The following SSBP3 variants were observed in gnomAD, a reference collection of about 807,000 sequenced individuals.
The protein encoded by SSBP3 is single-stranded DNA-binding protein 3.
A neutral mutation model predicts 69.6 loss-of-function variants in SSBP3; 5 were observed. The ratio of observed to expected loss-of-function variants is 0.07; its 90% CI spans 0.04 to 0.15. The LOEUF is 0.15. SSBP3 is among the 10% of genes least tolerant of loss of function. The pLI, the probability that SSBP3 is intolerant of heterozygous loss-of-function variation, is 1.00. For synonymous variants in SSBP3, 196 were observed against 193.4 expected (o/e 1.01, Z -0.11); for missense variants, 312 against 534.0 (o/e 0.58, Z 4.10).
At chr1:54,404,210 GGTATCCC>G (rs1487129778) in intron 3 of SSBP3, among the ~76,000 whole-genome samples, 32 of 152,066 alleles carry the variant, frequency 2.1e-4, no homozygotes, top group African/African-American at 7.5e-4. Flanking sequence ...AAACAGACCT[GGTATCCC>G]CTCCACGCCG....
At chr1:54,263,663 C>T (rs1356708244) in intron 5 of SSBP3, among the ~76,000 whole-genome samples, 1 of 152,232 alleles carries the variant, frequency 6.6e-6, no homozygotes, top group African/African-American at 2.4e-5. Context: ...CTGCTCCAGC[C>T]CTTCAAGTGC....
At chr1:54,358,042 T>TA (rs1244588349) in intron 4 of SSBP3, among the ~76,000 whole-genome samples, 11 of 152,312 alleles carry the variant, frequency 7.2e-5, no homozygotes, top group Middle Eastern at 3.4e-3. Flanking sequence ...AGCACCTCAA[T>TA]AGCCCTCTGC....
chr1:54,360,343 T>G (rs1646930971), intron 4 of SSBP3, among the ~76,000 whole-genome samples: 1 of 152,216 alleles, frequency 6.6e-6, no homozygotes, highest in Non-Finnish European at 1.5e-5. Context: ...GTTCATTGCT[T>G]TATCATGTGT....
At chr1:54,227,258 A>T in intron 17 of SSBP3, 98 bp from the exon 18 acceptor site, 1 of 762,252 alleles carries the variant, frequency 1.3e-6, no homozygotes, top group Non-Finnish European at 2.4e-6. Flanking sequence ...CACAGAACTG[A>T]GCAGGGCTCA....
At chr1:54,383,621 G>T (rs923505534) in intron 4 of SSBP3, among the ~76,000 whole-genome samples, 1 of 152,064 alleles carries the variant, frequency 6.6e-6, no homozygotes, top group Non-Finnish European at 1.5e-5. Flanking sequence ...TGATAAAATC[G>T]CCACCAACCC....
Position 54,251,696 on chromosome 1 carries a change from CG to C in SSBP3, c.575-5del, listed in dbSNP as rs1379486231. The C allele has an allele frequency of 3.2e-6, 5 of 1,561,730 alleles. No individual in the cohort carries two copies. The highest frequency in any genetic ancestry group is 3.4e-4 in the Middle Eastern group (2 of 5,814). On this transcript the variant is annotated splice_polypyrimidine_tract_variant and splice_region_variant and intron_variant, in intron 8 of 17. Transcript: ENST00000610401. ...GATCCTCCCATGTTGGGGTGGCCTG[CG>C]TGAGAGAGGAGGCGCGTCATGGGAT...
At chr1:54,377,609 G>C (rs1647291117) in intron 4 of SSBP3, among the ~76,000 whole-genome samples, 1 of 152,216 alleles carries the variant, frequency 6.6e-6, no homozygotes, top group African/African-American at 2.4e-5. Context: ...TCCAGCGACA[G>C]ACACCTATAA....
At chr1:54,297,946 C>CGAGG (rs1645730363) in intron 4 of SSBP3, among the ~76,000 whole-genome samples, 1 of 152,068 alleles carries the variant, frequency 6.6e-6, no homozygotes, top group South Asian at 2.1e-4. Context: ...TCAGATCCCT[C>CGAGG]CTCAGTTCTG....
chr1:54,270,818 G>A (rs1645180057), intron 5 of SSBP3, among the ~76,000 whole-genome samples: 1 of 152,072 alleles, frequency 6.6e-6, no homozygotes, highest in Non-Finnish European at 1.5e-5. Flanking sequence ...GCCTATCATC[G>A]CCCCCAATTA....
At position 54,388,025 on chromosome 1, in the gene SSBP3, A is replaced by C. The variant is rs561160961; in HGVS notation, c.276+13836T>G. ...GGCAAACACTTAAATGTTGTGAAGA[A>C]AAATAAATTCAACACTACATGTCAC... On this transcript the variant is annotated intron_variant, in intron 4 of 17. Transcript: ENST00000610401. 2.0e-5 allele frequency among the ~76,000 whole-genome samples: 3 copies of C among 152,382 alleles called. No homozygotes were observed. In the South Asian group the frequency reaches 6.2e-4, roughly 32 times the overall value.
chr1:54,323,485 G>A (rs535830121), intron 4 of SSBP3, among the ~76,000 whole-genome samples: 48 of 152,266 alleles, frequency 3.2e-4, no homozygotes, highest in African/African-American at 1.1e-3. Context: ...TTCCTGGGAG[G>A]AGGTGTTGCT....
intron 4 of SSBP3, among the ~76,000 whole-genome samples, chr1:54,377,639 A>G (rs2100706545): frequency 6.6e-6 from 1 of 152,310 alleles, no homozygotes; most frequent in Non-Finnish European, 1.5e-5. Context: ...TTACAAAGCC[A>G]CTGTTTAAAT....
upstream of SSBP3, among the ~76,000 whole-genome samples, chr1:54,407,992 G>T (rs1023937099): frequency 1.3e-5 from 2 of 152,060 alleles, no homozygotes; most frequent in Non-Finnish European, 2.9e-5. Flanking sequence ...GAAATGCCCC[G>T]CAGCAAAAGA....
chr1:54,242,952 AAAAAAT>A (rs1305402206), intron 10 of SSBP3: 15 of 363,238 alleles, frequency 4.1e-5, no homozygotes, highest in South Asian at 1.8e-4. Flanking sequence ...TCTGTCTCAA[AAAAAAT>A]AAAAATAAAA....
intron 9 of SSBP3, among the ~76,000 whole-genome samples, chr1:54,244,677 T>C (rs1360714689): frequency 6.6e-6 from 1 of 152,162 alleles, no homozygotes; most frequent in Admixed American, 6.5e-5. Flanking sequence ...TCTCTTCCTA[T>C]ATAACCAGGC....
chr1:54,386,116 G>T (rs970665688), intron 4 of SSBP3, among the ~76,000 whole-genome samples: 13 of 152,194 alleles, frequency 8.5e-5, no homozygotes, highest in African/African-American at 3.1e-4. Flanking sequence ...CATGCAGTGT[G>T]GGGTTCAGTG....
chr1:54,303,775 GA>G (rs1276189748), intron 4 of SSBP3, among the ~76,000 whole-genome samples: 4 of 152,000 alleles, frequency 2.6e-5, no homozygotes, highest in Admixed American at 6.6e-5. Flanking sequence ...CAGTTTGGGG[GA>G]AAAAAATATA....
chr1:54,342,470 G>A (rs1646626072), intron 4 of SSBP3, among the ~76,000 whole-genome samples: 1 of 152,180 alleles, frequency 6.6e-6, no homozygotes, highest in South Asian at 2.1e-4. Context: ...GGGCAGGTGT[G>A]GGCTCTCTGC....
chr1:54,241,051 G>A (rs926277237), intron 12 of SSBP3, 92 bp from the exon 13 acceptor site: 3 of 1,401,942 alleles, frequency 2.1e-6, no homozygotes, highest in Admixed American at 2.0e-5. Context: ...AGCAGCAACT[G>A]CTCGCCCCAG....
Sources: allele counts gnomAD v4.1 joint callset (sites outside exome capture counted in the v4.1 genomes callset), GRCh38; gene constraint gnomAD v4.1.1; transcripts MANE v1.5; gene names NCBI Gene and HGNC (gene_info 2026-07-23, HGNC 2026-07-21).